SPTLC2: variants seen among roughly 807,000 people sequenced by gnomAD.
The protein encoded by SPTLC2 is serine palmitoyltransferase 2.
A neutral mutation model predicts 62.0 loss-of-function variants in SPTLC2; 21 were observed. The observed-to-expected ratio is 0.34, with a 90% CI of 0.24 to 0.49. The LOEUF (loss-of-function observed/expected upper bound fraction) is 0.49. Among genes scored for constraint, SPTLC2 ranks in the 20% least tolerant of loss-of-function variants. SPTLC2 has a pLI of 0.99. For synonymous variants in SPTLC2, 261 were observed against 261.8 expected, an observed-to-expected ratio of 1.00 and a Z score of 0.03; for missense variants, 511 against 713.0, an observed-to-expected ratio of 0.72 and a Z score of 3.23.
At chr14:77,589,303 T>C (rs2079801893) in intron 2 of SPTLC2, among the ~76,000 whole-genome samples, 1 of 152,036 alleles carries the variant, frequency 6.6e-6, no homozygotes, top group Non-Finnish European at 1.5e-5. Flanking sequence ...ATGCTGTCCA[T>C]GAAAGCGCAG....
chr14:77,607,780 C>T (rs1018761100), intron 1 of SPTLC2, among the ~76,000 whole-genome samples: 1 of 152,128 alleles, frequency 6.6e-6, no homozygotes, highest in Non-Finnish European at 1.5e-5. Context: ...AATGAGGTTT[C>T]GCACCAACTA....
At chr14:77,576,940 T>A in intron 3 of SPTLC2, 25 bp from the exon 4 acceptor site, 2 of 1,613,762 alleles carry the variant, frequency 1.2e-6, no homozygotes, top group Non-Finnish European at 1.7e-6. Context: ...CATAAAACAA[T>A]GAAACTCATG....
intron 5 of SPTLC2, 77 bp from the exon 6 acceptor site, chr14:77,562,566 A>ACACT: frequency 9.0e-7 from 1 of 1,106,274 alleles, no homozygotes; most frequent in Non-Finnish European, 1.4e-6. Context: ...AATGCCACAA[A>ACACT]CACTAATAGC....
At chr14:77,558,582 T>C (rs1202799500) in intron 6 of SPTLC2, among the ~76,000 whole-genome samples, 1 of 151,956 alleles carries the variant, frequency 6.6e-6, no homozygotes, top group Middle Eastern at 3.2e-3. Context: ...AGATGTTCCC[T>C]ACAGAAGTAA....
At chr14:77,597,818 A>G (rs1241100024) in intron 1 of SPTLC2, among the ~76,000 whole-genome samples, 2 of 121,590 alleles carry the variant, frequency 1.6e-5, no homozygotes, top group African/African-American at 2.8e-5. Flanking sequence ...ACTGGAAACA[A>G]GAAAAAAAAA....
intron 6 of SPTLC2, among the ~76,000 whole-genome samples, chr14:77,562,018 C>A (rs1352560374): frequency 1.3e-5 from 2 of 152,234 alleles, no homozygotes; most frequent in African/African-American, 4.8e-5. Context: ...CAGCACCTGT[C>A]CACTATATTG....
At chr14:77,539,836 C>T (rs1233348442) in intron 9 of SPTLC2, among the ~76,000 whole-genome samples, 7 of 150,732 alleles carry the variant, frequency 4.6e-5, no homozygotes, top group African/African-American at 1.7e-4. Flanking sequence ...GTAGCTGGCA[C>T]GTGGTTAAGT....
At chr14:77,542,128 G>A (rs566623034) in intron 9 of SPTLC2, among the ~76,000 whole-genome samples, 1 of 150,630 alleles carries the variant, frequency 6.6e-6, no homozygotes, top group South Asian at 2.1e-4. Flanking sequence ...GAAAAGTGAA[G>A]AAGGAAGTAG....
intron 5 of SPTLC2, 148 bp downstream of exon 5, chr14:77,570,236 A>G (rs2079673122): frequency 2.6e-6 from 3 of 1,167,218 alleles, no homozygotes; most frequent in South Asian, 1.4e-5. Flanking sequence ...AAAAAAAAAA[A>G]AAAAGAAAAA....
At chr14:77,531,478 T>TCCCCC (rs1471999392) in intron 9 of SPTLC2, among the ~76,000 whole-genome samples, 4 of 53,392 alleles carry the variant, frequency 7.5e-5, no homozygotes, top group African/African-American at 3.6e-4. Context: ...CTCCTCCCCC[T>TCCCCC]CCCCCTCCTC....
intron 9 of SPTLC2, among the ~76,000 whole-genome samples, chr14:77,531,481 C>CCCTCCTCCT (rs1219084054): frequency 3.3e-5 from 3 of 90,240 alleles, no homozygotes; most frequent in African/African-American, 1.6e-4. Flanking sequence ...CTCCCCCTCC[C>CCCTCCTCCT]CCTCCTCCTC....
rs111539292 is a variant in SPTLC2 at position 77,534,933 on chromosome 14, C to CT, written c.1304-13353dup. On this transcript the variant is annotated intron_variant, in intron 9 of 11. Coordinates refer to ENST00000216484, the MANE Select transcript of SPTLC2 (RefSeq NM_004863.4). The stretch of plus-strand genomic sequence containing the variant: ...GACCTGATGCAGCCAAGTGCTATTT[C>CT]TTTTTTTTTTTGAGATGGAGTTTCG... Among the ~76,000 whole-genome samples the CT allele has an allele frequency of 7.7e-3, 1,140 of 148,466 alleles. 11 individuals are homozygous for CT. Among genetic ancestry groups the CT allele is most frequent in the African/African-American group, 0.024 (974 of 40,856 alleles).
rs3080470 is a variant in SPTLC2 at position 77,564,236 on chromosome 14, G to GAAAA, written c.757-1751_757-1748dup. 6.4e-4 allele frequency among the ~76,000 whole-genome samples: 71 copies of GAAAA among 110,652 alleles called. 1 individual carries two copies. Among genetic ancestry groups the GAAAA allele is most frequent in the Non-Finnish European group, 4.4e-4 (25 of 56,344 alleles). The allele number at this position is 110,652 out of a possible 152,430, so 72.6% of individuals were successfully genotyped here. A position where few individuals can be genotyped will look rare whatever the true frequency, so the allele number is the denominator to read the frequency against. On this transcript the variant is annotated intron_variant, in intron 5 of 11. Coordinates refer to ENST00000216484, the MANE Select transcript of SPTLC2 (RefSeq NM_004863.4). ...AACAGAGGGAGACTCTGTCTGGGGG[G>GAAAA]AAAAAAAAAAAAAAAAGGAGGAGGA...
chr14:77,592,537 T>G (rs886343411), intron 2 of SPTLC2, among the ~76,000 whole-genome samples: 9 of 152,220 alleles, frequency 5.9e-5, no homozygotes, highest in African/African-American at 2.2e-4. Context: ...AATAAGCCTA[T>G]TGGGATATAA....
intron 9 of SPTLC2, among the ~76,000 whole-genome samples, chr14:77,540,469 A>G (rs2079495103): frequency 6.6e-6 from 1 of 152,040 alleles, no homozygotes; most frequent in Non-Finnish European, 1.5e-5. Context: ...TTTTACTTTT[A>G]TTTTTTAATT....
chr14:77,615,911 C>A (rs77681008), intron 1 of SPTLC2, among the ~76,000 whole-genome samples: 7,975 of 152,272 alleles, frequency 0.052, 224 homozygotes, highest in Middle Eastern at 0.12. Context: ...ATCTATGGAC[C>A]AATGTCCTGG....
At chr14:77,596,139 C>T (rs776823801) in intron 2 of SPTLC2, among the ~76,000 whole-genome samples, 3 of 152,184 alleles carry the variant, frequency 2.0e-5, no homozygotes, top group Non-Finnish European at 4.4e-5. Context: ...AGATTGAGAC[C>T]ATCCTGGCTA....
intron 9 of SPTLC2, among the ~76,000 whole-genome samples, chr14:77,531,486 CT>C (rs1352384663): frequency 4.5e-5 from 4 of 88,486 alleles, no homozygotes; most frequent in African/African-American, 1.9e-4. Context: ...CCTCCCCCTC[CT>C]CCTCCTCCTC....
At chr14:77,557,400 T>A (rs2079590515) in intron 6 of SPTLC2, 1 of 494,478 alleles carries the variant, frequency 2.0e-6, no homozygotes, top group Non-Finnish European at 3.7e-6. Flanking sequence ...TTCATTAGCT[T>A]CCTTATAAAA....
Sources: allele counts gnomAD v4.1 joint callset (sites outside exome capture counted in the v4.1 genomes callset), GRCh38; gene constraint gnomAD v4.1.1; transcripts MANE v1.5; gene names NCBI Gene and HGNC (gene_info 2026-07-23, HGNC 2026-07-21).